MALT1: variants seen among roughly 807,000 people sequenced by gnomAD.
The protein encoded by MALT1 is mucosa-associated lymphoid tissue lymphoma translocation protein 1.
Under a neutral mutation model 85.5 loss-of-function variants are expected in MALT1, and 36 were observed. The observed-to-expected ratio is 0.42, with a 90% confidence interval of 0.32 to 0.56. MALT1 has a LOEUF of 0.56. Among genes scored for constraint, MALT1 ranks in the 20% least tolerant of loss-of-function variants. The pLI is 0.10. For synonymous variants in MALT1, 359 were observed against 361.3 expected, an observed-to-expected ratio of 0.99 and a Z score of 0.07; for missense variants, 716 against 981.6, an observed-to-expected ratio of 0.73 and a Z score of 3.62.
chr18:58,747,651 C>T lies in MALT1; in HGVS notation c.2284C>T (p.His762Tyr), dbSNP rs150624858. ...SLQDPFHGVY[H>Y]SHPGNPSNVT... The stretch of plus-strand genomic sequence containing the variant: ...GCAAGACCCATTCCATGGTGTTTAC[C>T]ATTCACATCCTGGTAATCCAAGTAA... Residue 762 changes from histidine (H) to tyrosine (Y), a missense_variant, in exon 17 of 17, where the codon CAT (histidine) becomes TAT (tyrosine). Transcript: ENST00000649217. 1.9e-5 allele frequency: 31 copies of T among 1,614,028 alleles called. No homozygotes were observed. The highest frequency in any genetic ancestry group is 1.6e-4 in the East Asian group (7 of 44,900).
At chr18:58,736,838 A>C (rs2055228112) in intron 13 of MALT1, among the ~76,000 whole-genome samples, 2 of 152,228 alleles carry the variant, frequency 1.3e-5, no homozygotes, top group Admixed American at 1.3e-4. Flanking sequence ...CGGCCCACTC[A>C]TTGTACAAAA....
intron 1 of MALT1, among the ~76,000 whole-genome samples, chr18:58,675,988 C>T (rs561832938): frequency 6.6e-5 from 10 of 152,298 alleles, no homozygotes; most frequent in African/African-American, 2.4e-4. Flanking sequence ...TTCCTGACTC[C>T]ACTTTTACAC....
chr18:58,730,344 A>G (rs761211901), intron 10 of MALT1, among the ~76,000 whole-genome samples: 62 of 152,118 alleles, frequency 4.1e-4, no homozygotes, highest in Admixed American at 7.9e-4. Context: ...GCAACCACCA[A>G]TCTATTTTCT....
At chr18:58,686,587 G>T (rs1235845402) in intron 2 of MALT1, among the ~76,000 whole-genome samples, 1 of 152,184 alleles carries the variant, frequency 6.6e-6, no homozygotes, top group African/African-American at 2.4e-5. Flanking sequence ...CATATGAAAG[G>T]TGCCTCACTG....
chr18:58,726,515 G>C (rs1272634795), intron 10 of MALT1, among the ~76,000 whole-genome samples: 1 of 152,182 alleles, frequency 6.6e-6, no homozygotes, highest in Non-Finnish European at 1.5e-5. Context: ...ACGGAGAACA[G>C]AGGAACTCGA....
At chr18:58,703,720 G>A (rs745506324) in intron 4 of MALT1, among the ~76,000 whole-genome samples, 2 of 152,154 alleles carry the variant, frequency 1.3e-5, no homozygotes, top group African/African-American at 2.4e-5. Flanking sequence ...CTCAACATGT[G>A]GGGATTACAG....
At chr18:58,711,584 G>A (rs2054831631) in intron 7 of MALT1, among the ~76,000 whole-genome samples, 1 of 152,058 alleles carries the variant, frequency 6.6e-6, no homozygotes, top group Non-Finnish European at 1.5e-5. Context: ...CCAAAGCATT[G>A]TACTTAAATT....
chr18:58,733,651 G>A, intron 11 of MALT1, 77 bp downstream of exon 11: 11 of 1,159,106 alleles, frequency 9.5e-6, no homozygotes, highest in South Asian at 1.7e-5. Context: ...CCTGTGAAAT[G>A]CTAAAAGCCA....
At chr18:58,745,489 T>C (rs2055353386) in intron 15 of MALT1, among the ~76,000 whole-genome samples, 177 bp from the exon 16 acceptor site, 1 of 152,192 alleles carries the variant, frequency 6.6e-6, no homozygotes, top group African/African-American at 2.4e-5. Flanking sequence ...GAATTCCTAT[T>C]ATAACCATAG....
intron 2 of MALT1, chr18:58,691,259 T>C: frequency 2.3e-6 from 1 of 432,230 alleles, no homozygotes; most frequent in Non-Finnish European, 4.4e-6. Flanking sequence ...CTTACCCCTA[T>C]CTCCATATCC....
rs1302583397 is a variant in MALT1, at chr18:58,751,605, T to C, written c.*3763T>C. ...TTTATCAACCATGCTTTTATTTTAC[T>C]TGAATCTCGTGCCAATTGCTTTGTA... On this transcript the variant is annotated 3_prime_UTR_variant, in exon 17 of 17. Coordinates refer to ENST00000649217, the MANE Select transcript of MALT1 (RefSeq NM_006785.4). 4 of 152,240 alleles carry C rather than the reference T, an allele frequency of 2.6e-5. No individual in the cohort carries two copies. The allele number at this position is 152,240 out of a possible 1,614,324, so 9.4% of individuals were successfully genotyped here.
At chr18:58,739,367 G>A (rs750913454) in intron 13 of MALT1, among the ~76,000 whole-genome samples, 5 of 152,180 alleles carry the variant, frequency 3.3e-5, no homozygotes, top group Non-Finnish European at 5.9e-5. Context: ...GGCATACAGA[G>A]TATCAGTGTT....
chr18:58,749,126 A>G lies in MALT1; in HGVS notation c.*1284A>G, dbSNP rs1249852148. 2 of 217,810 alleles carry G rather than the reference A, an allele frequency of 9.2e-6. No individual in the cohort carries two copies. The highest frequency in any genetic ancestry group is 2.2e-5 in the African/African-American group (1 of 44,490). The allele number at this position is 217,810 out of a possible 1,614,324, so 13.5% of individuals were successfully genotyped here. A position where few individuals can be genotyped will look rare whatever the true frequency, so the allele number is the denominator to read the frequency against. ...TCAACATCTAAAAATCAAATAAGCT[A>G]ATATACAGTCAGTTCTCATTATTCA... On this transcript the variant is annotated 3_prime_UTR_variant, in exon 17 of 17. Transcript: ENST00000649217.
chr18:58,728,417 C>T (rs1489869398), intron 10 of MALT1, among the ~76,000 whole-genome samples: 1 of 151,532 alleles, frequency 6.6e-6, no homozygotes, highest in Admixed American at 6.6e-5. Flanking sequence ...CAGCCTTGGA[C>T]AATATAGTGA....
At chr18:58,723,482 T>A (rs2055012641) in intron 10 of MALT1, among the ~76,000 whole-genome samples, 1 of 152,188 alleles carries the variant, frequency 6.6e-6, no homozygotes, top group Non-Finnish European at 1.5e-5. Context: ...TTTTTCTTAC[T>A]AGAATTCTTA....
chr18:58,686,210 A>G (rs1274171122), intron 2 of MALT1, among the ~76,000 whole-genome samples: 2 of 152,236 alleles, frequency 1.3e-5, no homozygotes, highest in East Asian at 3.9e-4. Flanking sequence ...TATTTTTAGT[A>G]GCGACGAGGT....
At chr18:58,703,824 A>G (rs1356576674) in intron 4 of MALT1, among the ~76,000 whole-genome samples, 2 of 152,188 alleles carry the variant, frequency 1.3e-5, no homozygotes, top group African/African-American at 4.8e-5. Context: ...TTAAGGGGTA[A>G]TTTATATACA....
chr18:58,717,510 A>T (rs2144407550), intron 9 of MALT1, among the ~76,000 whole-genome samples: 1 of 152,296 alleles, frequency 6.6e-6, no homozygotes, highest in Non-Finnish European at 1.5e-5. Context: ...GAGTCCAACT[A>T]AGACTTTTAA....
intron 1 of MALT1, among the ~76,000 whole-genome samples, chr18:58,675,906 G>T (rs763817701): frequency 6.6e-6 from 1 of 152,046 alleles, no homozygotes; most frequent in Non-Finnish European, 1.5e-5. Context: ...AATTTAACAC[G>T]TCTTCCCTTA....
Sources: allele counts gnomAD v4.1 joint callset (sites outside exome capture counted in the v4.1 genomes callset), GRCh38; gene constraint gnomAD v4.1.1; transcripts MANE v1.5; gene names NCBI Gene and HGNC (gene_info 2026-07-23, HGNC 2026-07-21).